The following YAE1 variants were observed in gnomAD, a reference collection of about 807,000 sequenced individuals.
YAE1 encodes the protein protein YAE1 homolog.
In YAE1, 22 loss-of-function variants were observed where a neutral mutation model predicts 23.0. The observed-to-expected ratio is 0.96, with a 90% CI of 0.68 to 1.37. The LOEUF is 1.37. Ranked by LOEUF, YAE1 falls within the 40% of genes most tolerant of loss-of-function variation. YAE1 has a pLI of 0.00. For missense variants in YAE1, 260 were observed against 262.1 expected, an observed-to-expected ratio of 0.99 and a Z score of 0.06; for synonymous variants, 101 against 97.0, an observed-to-expected ratio of 1.04 and a Z score of -0.24.
chr7:39,572,156 AG>A (rs1379369216), intron 2 of YAE1, 120 bp from the exon 3 acceptor site: 2 of 1,022,770 alleles, frequency 2.0e-6, no homozygotes, highest in Non-Finnish European at 2.8e-6. Flanking sequence ...GTTATGAAAG[AG>A]GGGTTATGAA....
downstream of YAE1, chr7:39,610,348 C>G: frequency 2.1e-6 from 1 of 470,254 alleles, no homozygotes; most frequent in Non-Finnish European, 4.2e-6. Flanking sequence ...TTTTTTGCAA[C>G]TGTTTGATAT....
intron 2 of YAE1, among the ~76,000 whole-genome samples, chr7:39,592,928 C>G (rs916060260): frequency 6.6e-6 from 1 of 152,170 alleles, no homozygotes; most frequent in Admixed American, 6.5e-5. Flanking sequence ...TGGTCATTCT[C>G]TCTCTACTGG....
At chr7:39,566,734 G>A (rs1442849757) in intron 1 of YAE1, 187 bp downstream of exon 1, 5 of 811,816 alleles carry the variant, frequency 6.2e-6, no homozygotes, top group African/African-American at 1.7e-5. Context: ...ACAACAAGAC[G>A]CATTCTTTGA....
At position 39,570,582 on chromosome 7, in the gene YAE1, G is replaced by T. The variant is rs1291160662; in HGVS notation, c.206G>T (p.Gly69Val). 1 of 1,608,424 alleles carries T rather than the reference G, an allele frequency of 6.2e-7. No homozygotes were observed. Among genetic ancestry groups the T allele is most frequent in the Non-Finnish European group, 8.5e-7 (1 of 1,179,024 alleles). ...GGCTTCAATCAAGGTTATAAGAAAG[G>T]TGCAGAAGTCATTTTAAACTATGGA... Reference protein sequence around the residue: ...QQGFNQGYKKGAEVILNYGRL... With the variant: ...QQGFNQGYKKVAEVILNYGRL... Residue 69 changes from glycine (G) to valine (V), a missense_variant, in exon 2 of 3, where the codon GGT becomes GTT. Coordinates refer to ENST00000223273, the MANE Select transcript of YAE1 (RefSeq NM_020192.5).
At chr7:39,573,362 T>C (rs1181587314), downstream of YAE1, among the ~76,000 whole-genome samples, 1 of 152,194 alleles carries the variant, frequency 6.6e-6, no homozygotes, top group African/African-American at 2.4e-5. Flanking sequence ...AGTAAGGAGT[T>C]AGTAATATTG....
At chr7:39,590,040 T>G (rs115298372) in intron 2 of YAE1, among the ~76,000 whole-genome samples, 2,732 of 152,178 alleles carry the variant, frequency 0.018, 100 homozygotes, top group African/African-American at 0.061. Flanking sequence ...ATTGCAGAAA[T>G]AGCAAAATAC....
chr7:39,581,531 C>G (rs1790742303), intron 2 of YAE1, among the ~76,000 whole-genome samples: 1 of 152,134 alleles, frequency 6.6e-6, no homozygotes, highest in South Asian at 2.1e-4. Context: ...ACCAAAAACT[C>G]TCTAACCTGT....
In YAE1 at chr7:39,582,128, G is replaced by GAT. The variant is rs549779598; in HGVS notation, c.251+11504_251+11505dup. On this transcript the variant is annotated intron_variant, in intron 2 of 2. Coordinates refer to the YAE1 transcript ENST00000432096. ...AGGTAGTTCTGATTAGTACTTTGGT[G>GAT]ATATTCTTTCTGGAAAGATCAGACT... Among the ~76,000 whole-genome samples, 160 of 151,948 alleles carry GAT rather than the reference G, an allele frequency of 1.1e-3. 1 individual carries two copies. The highest frequency in any genetic ancestry group is 3.7e-3 in the African/African-American group (152 of 41,456).
At chr7:39,569,794 C>T (rs1308649837) in intron 1 of YAE1, 1 of 767,034 alleles carries the variant, frequency 1.3e-6, no homozygotes, top group African/African-American at 1.8e-5. Context: ...GAAACGGGTT[C>T]AATACTCTTC....
At chr7:39,595,913 G>A (rs1287592628) in intron 2 of YAE1, among the ~76,000 whole-genome samples, 1 of 152,152 alleles carries the variant, frequency 6.6e-6, no homozygotes, top group Non-Finnish European at 1.5e-5. Flanking sequence ...TTCTGGTCAA[G>A]TCTATATACA....
chr7:39,609,844 C>T (rs898323703), exon 3 of YAE1: 9 of 1,533,152 alleles, frequency 5.9e-6, no homozygotes, highest in Middle Eastern at 1.7e-4. Flanking sequence ...CCTGGGACGC[C>T]GAGCCACCGC....
intron 1 of YAE1, chr7:39,570,127 G>A (rs1220927533): frequency 1.0e-5 from 9 of 871,662 alleles, no homozygotes; most frequent in Non-Finnish European, 1.5e-5. Flanking sequence ...GCCGCCTGTG[G>A]GTCCAGGGAG....
At chr7:39,611,436 C>T (rs1402744221), downstream of YAE1, among the ~76,000 whole-genome samples, 4 of 152,178 alleles carry the variant, frequency 2.6e-5, no homozygotes, top group Admixed American at 2.0e-4. Flanking sequence ...AGAGTTTGCT[C>T]GGGGGCATAA....
intron 2 of YAE1, among the ~76,000 whole-genome samples, chr7:39,594,839 A>G (rs1487673661): frequency 6.6e-6 from 1 of 152,022 alleles, no homozygotes; most frequent in Non-Finnish European, 1.5e-5. Context: ...CAAGCAATCC[A>G]CCTGCCTTGG....
At chr7:39,581,070 C>T (rs1258668431) in intron 2 of YAE1, among the ~76,000 whole-genome samples, 1 of 152,220 alleles carries the variant, frequency 6.6e-6, no homozygotes, top group Non-Finnish European at 1.5e-5. Context: ...CTCTTTTTCT[C>T]TCACACACAC....
At chr7:39,597,694 T>TG (rs1039963990) in intron 2 of YAE1, among the ~76,000 whole-genome samples, 4 of 152,170 alleles carry the variant, frequency 2.6e-5, no homozygotes, top group Non-Finnish European at 5.9e-5. Flanking sequence ...GCGGTAGTGG[T>TG]GGGGCCAATA....
chr7:39,593,238 G>A (rs1420833133), intron 2 of YAE1, among the ~76,000 whole-genome samples: 3 of 119,270 alleles, frequency 2.5e-5, no homozygotes, highest in Non-Finnish European at 4.8e-5. Context: ...AGGCTGCAGT[G>A]CAGTGGCACA....
intron 1 of YAE1, chr7:39,569,872 C>G (rs1562588626): frequency 9.7e-7 from 1 of 1,030,806 alleles, no homozygotes; most frequent in Non-Finnish European, 1.5e-6. Context: ...TGCCTAAATT[C>G]ACCATCTTTA....
downstream of YAE1, among the ~76,000 whole-genome samples, chr7:39,577,484 G>C (rs1790672840): frequency 6.6e-6 from 1 of 152,194 alleles, no homozygotes; most frequent in South Asian, 2.1e-4. Context: ...TGGGAGGTGG[G>C]CTTGGCAGGC....
Sources: allele counts gnomAD v4.1 joint callset (sites outside exome capture counted in the v4.1 genomes callset), GRCh38; gene constraint gnomAD v4.1.1; transcripts MANE v1.5; gene names NCBI Gene and HGNC (gene_info 2026-07-23, HGNC 2026-07-21).